DPP10: variants seen among roughly 807,000 people sequenced by gnomAD.
DPP10 encodes inactive dipeptidyl peptidase 10.
A neutral mutation model predicts 120.9 loss-of-function variants in DPP10; 33 were observed. That is an observed-to-expected ratio of 0.27 (90% confidence interval 0.21 to 0.37). The LOEUF is 0.37. Among genes scored for constraint, DPP10 ranks in the 10% least tolerant of loss-of-function variants. The probability of loss-of-function intolerance (pLI) is 1.00; values close to 1 mark genes in which losing one functional copy is unlikely to be tolerated. For missense variants in DPP10, 816 were observed against 942.8 expected, an observed-to-expected ratio of 0.87 and a Z score of 1.76; for synonymous variants, 337 against 326.1, an observed-to-expected ratio of 1.03 and a Z score of -0.36.
Position 114,854,373 on chromosome 2 carries a change from G to A in DPP10, c.60+411535G>A, listed in dbSNP as rs545833686. On this transcript the variant is annotated intron_variant, in intron 1 of 25. Transcript: ENST00000410059. Reference sequence around the variant, plus strand: ...ATTAGAGTTTATATCTTCAACTCTAGTCTCGTCATTAAGTATGTTTCATAA... The same window carrying A: ...ATTAGAGTTTATATCTTCAACTCTAATCTCGTCATTAAGTATGTTTCATAA... Among the ~76,000 whole-genome samples the A allele has an allele frequency of 2.0e-5, 3 of 152,226 alleles. No homozygotes were observed. In the East Asian group the frequency reaches 5.8e-4, roughly 29 times the overall value.
At chr2:114,809,061 C>CT (rs1684974467) in intron 1 of DPP10, among the ~76,000 whole-genome samples, 1 of 152,008 alleles carries the variant, frequency 6.6e-6, no homozygotes, top group Non-Finnish European at 1.5e-5. Flanking sequence ...ACTTACCTAG[C>CT]TGTGTGATAA....
intron 1 of DPP10, among the ~76,000 whole-genome samples, chr2:114,860,140 C>A (rs1689697253): frequency 6.6e-6 from 1 of 152,144 alleles, no homozygotes; most frequent in Non-Finnish European, 1.5e-5. Flanking sequence ...AGGAATTAAC[C>A]ACATAAGCTA....
intron 21 of DPP10, among the ~76,000 whole-genome samples, chr2:115,825,465 G>A (rs918869438): frequency 9.9e-5 from 15 of 152,134 alleles, no homozygotes; most frequent in African/African-American, 3.4e-4. Context: ...AAGTCAGACT[G>A]TATGCTTTGT....
At chr2:115,104,032 T>C (rs899864186) in intron 1 of DPP10, among the ~76,000 whole-genome samples, 21 of 152,210 alleles carry the variant, frequency 1.4e-4, no homozygotes, top group African/African-American at 4.8e-4. Flanking sequence ...TTTTATACAA[T>C]ATCTTATACA....
intron 1 of DPP10, among the ~76,000 whole-genome samples, chr2:114,975,105 T>A (rs533798904): frequency 6.6e-6 from 1 of 151,752 alleles, no homozygotes; most frequent in African/African-American, 2.4e-5. Context: ...AATGGCGCGA[T>A]CTCAGCTCAC....
chr2:115,382,377 T>A (rs1382848687), intron 3 of DPP10, among the ~76,000 whole-genome samples: 1 of 151,970 alleles, frequency 6.6e-6, no homozygotes, highest in East Asian at 1.9e-4. Flanking sequence ...CCTGACCCCT[T>A]GCACTTCCTG....
At chr2:115,223,850 G>A (rs537218536) in intron 1 of DPP10, among the ~76,000 whole-genome samples, 1 of 152,228 alleles carries the variant, frequency 6.6e-6, no homozygotes, top group South Asian at 2.1e-4. Flanking sequence ...GAATTTGGAA[G>A]CAAACTTTCC....
chr2:114,834,510 TA>T (rs1687471167), intron 1 of DPP10, among the ~76,000 whole-genome samples: 1 of 150,954 alleles, frequency 6.6e-6, no homozygotes, highest in African/African-American at 2.5e-5. Flanking sequence ...CGCACCTATG[TA>T]TATATAAGAC....
At chr2:114,894,838 A>G (rs548095418) in intron 1 of DPP10, among the ~76,000 whole-genome samples, 7 of 152,312 alleles carry the variant, frequency 4.6e-5, no homozygotes, top group African/African-American at 1.7e-4. Context: ...GTAAAAATAC[A>G]AAATAATTGA....
chr2:115,733,099 A>G (rs2092949971), intron 8 of DPP10, among the ~76,000 whole-genome samples: 2 of 152,334 alleles, frequency 1.3e-5, no homozygotes, highest in Non-Finnish European at 2.9e-5. Context: ...TTGGTATTCA[A>G]GAATGACAAG....
intron 3 of DPP10, among the ~76,000 whole-genome samples, chr2:115,473,826 T>G (rs6542263): frequency 0.14 from 21,163 of 152,108 alleles, 3,234 homozygotes; most frequent in African/African-American, 0.37. Flanking sequence ...ACCTCCAAGG[T>G]GTGTGTGTAC....
Position 114,996,946 on chromosome 2 carries a change from C to A in DPP10, c.61-312293C>A, listed in dbSNP as rs72834145. ...GCAATGAGCCGAGATCGTGCCACTG[C>A]GTTCTAGCCTGGCGACAGAGCAAGA... On this transcript the variant is annotated intron_variant, in intron 1 of 25. Coordinates refer to ENST00000410059, the MANE Select transcript of DPP10 (RefSeq NM_020868.6). Among the ~76,000 whole-genome samples, 913 of 136,734 alleles carry A rather than the reference C, an allele frequency of 6.7e-3. 4 individuals are homozygous for A. Among genetic ancestry groups the A allele is most frequent in the Non-Finnish European group, 0.01 (670 of 65,712 alleles). The allele number at this position is 136,734 out of a possible 152,430, so 89.7% of individuals were successfully genotyped here.
chr2:114,488,728 T>C (rs1681728161), intron 1 of DPP10, among the ~76,000 whole-genome samples: 1 of 152,188 alleles, frequency 6.6e-6, no homozygotes, highest in Admixed American at 6.5e-5. Flanking sequence ...AACACCAGCC[T>C]CGTGGCATCC....
chr2:115,469,500 GACTTTA>G (rs1172534612), intron 3 of DPP10, among the ~76,000 whole-genome samples: 1 of 152,096 alleles, frequency 6.6e-6, no homozygotes, highest in African/African-American at 2.4e-5. Context: ...AGACCTTTTT[GACTTTA>G]ACTTTATATC....
rs1700167924 is a variant in DPP10 at position 114,697,980 on chromosome 2, G to C, written c.60+255142G>C. Among the ~76,000 whole-genome samples, 3 of 151,928 alleles carry C rather than the reference G, an allele frequency of 2.0e-5. No homozygotes were observed. In the South Asian group the frequency reaches 6.2e-4, roughly 31 times the overall value. On this transcript the variant is annotated intron_variant, in intron 1 of 25. Transcript: ENST00000410059. ...ACTTAAATGTTTACAATTCCACTGTGACCTGTTGTCACTATTACATTTCAG... is the reference window on the plus strand; with the variant it reads ...ACTTAAATGTTTACAATTCCACTGTCACCTGTTGTCACTATTACATTTCAG...
chr2:115,051,190 C>T lies in DPP10; in HGVS notation c.61-258049C>T, dbSNP rs375102004. Among the ~76,000 whole-genome samples the T allele has an allele frequency of 4.8e-4, 73 of 152,252 alleles. 1 individual carries two copies. Among genetic ancestry groups the T allele is most frequent in the African/African-American group, 1.7e-3 (71 of 41,560 alleles). On this transcript the variant is annotated intron_variant, in intron 1 of 25. Transcript: ENST00000410059. ...GATTAACCTGAGACATTGGTCTTAG[C>T]AGACAAATCCTTTAAATCAGCTATT...
intron 1 of DPP10, among the ~76,000 whole-genome samples, chr2:115,109,232 G>A (rs1173566787): frequency 1.3e-5 from 2 of 151,972 alleles, no homozygotes; most frequent in Admixed American, 6.6e-5. Context: ...GAATCTCAGG[G>A]TTCAGTTAAA....
At chr2:115,528,535 A>G (rs2078270492) in intron 5 of DPP10, among the ~76,000 whole-genome samples, 1 of 152,064 alleles carries the variant, frequency 6.6e-6, no homozygotes, top group Non-Finnish European at 1.5e-5. Flanking sequence ...CGGATACATA[A>G]AAGTATTCAC....
intron 1 of DPP10, among the ~76,000 whole-genome samples, chr2:115,070,152 T>G (rs1387785360): frequency 1.3e-5 from 2 of 152,076 alleles, no homozygotes; most frequent in African/African-American, 4.8e-5. Flanking sequence ...ATACATTATG[T>G]GGTGATAAGA....
Sources: allele counts gnomAD v4.1 joint callset (sites outside exome capture counted in the v4.1 genomes callset), GRCh38; gene constraint gnomAD v4.1.1; transcripts MANE v1.5; gene names NCBI Gene and HGNC (gene_info 2026-07-23, HGNC 2026-07-21).